The following WDR5 variants were observed in gnomAD, a reference collection of about 807,000 sequenced individuals.
WDR5 encodes WD repeat-containing protein 5.
For missense variants in WDR5, 187 were observed against 416.9 expected (o/e 0.45, Z 4.80); for synonymous variants, 144 against 161.6 (o/e 0.89, Z 0.83).
In WDR5 at chr9:134,145,096, G is replaced by GTTTTTTGTTTT. The variant is rs1316019740; in HGVS notation, c.528+2383_528+2384insGTTTTTTTTTT. Among the ~76,000 whole-genome samples, 488 of 104,706 alleles carry GTTTTTTGTTTT rather than the reference G, an allele frequency of 4.7e-3. 15 individuals carry two copies. Among genetic ancestry groups the GTTTTTTGTTTT allele is most frequent in the African/African-American group, 0.013 (368 of 29,150 alleles). The allele number at this position is 104,706 out of a possible 152,430, so 68.7% of individuals were successfully genotyped here. On this transcript the variant is annotated intron_variant, in intron 7 of 13. Transcript: ENST00000358625. Reference sequence around the variant, plus strand: ...ACTGCAGAGAGGTTTGTGGGGCTTTGTTTTTTTTTTTTTTTTTTTTGAAAC... The same window carrying GTTTTTTGTTTT: ...ACTGCAGAGAGGTTTGTGGGGCTTTGTTTTTTGTTTTTTTTTTTTTTTTTTTTTTTTGAAAC...
rs928191732 is a variant in WDR5 at position 134,142,110 on chromosome 9, T to C, written c.354+72T>C. 8.4e-6 allele frequency: 12 copies of C among 1,433,638 alleles called. No homozygotes were observed. The African/African-American group carries it at 1.6e-4, about 19-fold the overall frequency. The allele number at this position is 1,433,638 out of a possible 1,614,324, so 88.8% of individuals were successfully genotyped here. ...CACGGGGCAGGTGCGGGGGACTGAG[T>C]TGACTGCTCAGTAAGCAACACTCAG... is the stretch of plus-strand genomic sequence containing the variant. On this transcript the variant is annotated intron_variant, in intron 5 of 13. Transcript: ENST00000358625.
At chr9:134,156,427 T>C in intron 12 of WDR5, 79 bp from the exon 13 acceptor site, 1 of 1,420,602 alleles carries the variant, frequency 7.0e-7, no homozygotes, top group Non-Finnish European at 9.9e-7. Context: ...AGGGCATAAC[T>C]GGAGATTCTC....
intron 10 of WDR5, among the ~76,000 whole-genome samples, chr9:134,155,125 C>T (rs956401968): frequency 5.3e-5 from 8 of 152,362 alleles, no homozygotes; most frequent in African/African-American, 1.9e-4. Flanking sequence ...CTTGGAACTA[C>T]AAATACTTGC....
intron 9 of WDR5, among the ~76,000 whole-genome samples, chr9:134,153,706 C>A (rs944134573): frequency 1.3e-5 from 2 of 150,918 alleles, no homozygotes; most frequent in East Asian, 3.9e-4. Context: ...GTGTCCTTCC[C>A]GGTGCTCGGG....
In WDR5 at chr9:134,155,258, T is replaced by TGACGTAGTGGCTGC. The variant is rs1832694845; in HGVS notation, c.708-81_708-68dup. On this transcript the variant is annotated intron_variant, in intron 10 of 13. Transcript: ENST00000358625. ...TTGCACCTGGCGCTGATGGTGGCTG[T>TGACGTAGTGGCTGC]GACGTAGTGGCTGCAGAGTTGGGTG... 3.5e-6 allele frequency: 5 copies of TGACGTAGTGGCTGC among 1,445,724 alleles called. No individual in the cohort carries two copies. The East Asian group carries it at 1.0e-4, about 30-fold the overall frequency. The allele number at this position is 1,445,724 out of a possible 1,614,324, so 89.6% of individuals were successfully genotyped here.
At chr9:134,155,429 T>C (rs1832704264) in intron 11 of WDR5, 56 bp downstream of exon 11, 1 of 1,551,982 alleles carries the variant, frequency 6.4e-7, no homozygotes. Context: ...TCATGGCCTC[T>C]GGTGGGGACA....
intron 5 of WDR5, 45 bp from the exon 6 acceptor site, chr9:134,142,288 T>A (rs1365453477): frequency 6.3e-7 from 1 of 1,583,614 alleles, no homozygotes; most frequent in Admixed American, 1.7e-5. Flanking sequence ...CTCTTACGTT[T>A]GGGGAAATAA....
At chr9:134,155,851 T>C in intron 12 of WDR5, 84 bp downstream of exon 12, 1 of 1,251,906 alleles carries the variant, frequency 8.0e-7, no homozygotes, top group Non-Finnish European at 1.1e-6. Flanking sequence ...TGCTTTATAC[T>C]CAGAGACACT....
At chr9:134,155,648 A>T in intron 11 of WDR5, 45 bp from the exon 12 acceptor site, 1 of 1,586,596 alleles carries the variant, frequency 6.3e-7, no homozygotes, top group East Asian at 2.2e-5. Context: ...CACAAAATCA[A>T]GGGGAACCAT....
intron 8 of WDR5, among the ~76,000 whole-genome samples, chr9:134,149,319 G>T (rs1222064335): frequency 6.6e-6 from 1 of 152,246 alleles, no homozygotes. Flanking sequence ...GGTTCAAGCT[G>T]CGGTTGCAGC....
chr9:134,138,574 C>A (rs1463673968), intron 1 of WDR5, among the ~76,000 whole-genome samples: 2 of 152,180 alleles, frequency 1.3e-5, no homozygotes, highest in Admixed American at 1.3e-4. Flanking sequence ...GCCTGCCCCT[C>A]CTCTCCCCCT....
At chr9:134,150,733 G>A (rs1320001229) in intron 8 of WDR5, among the ~76,000 whole-genome samples, 3 of 152,134 alleles carry the variant, frequency 2.0e-5, no homozygotes, top group African/African-American at 4.8e-5. Context: ...CAGTTACCAC[G>A]GTCTCTCAGT....
chr9:134,154,562 T>C (rs1564196842), intron 10 of WDR5, 21 bp downstream of exon 10: 2 of 1,613,424 alleles, frequency 1.2e-6, no homozygotes, highest in South Asian at 2.2e-5. Flanking sequence ...CGTGGGACTG[T>C]GGGGGCGGGC....
Position 134,154,427 on chromosome 9 carries a change from C to G in WDR5, c.632-39C>G, listed in dbSNP as rs1326066557. 3.1e-6 allele frequency: 5 copies of G among 1,609,482 alleles called. No individual in the cohort carries two copies. In the Admixed American group the frequency reaches 8.3e-5, roughly 27 times the overall value. ...CCACCTCCTGTCCCTGCCTGGCTGT[C>G]AGCGCCCGCCGTGTGTCACCTGTCC... On this transcript the variant is annotated intron_variant, in intron 9 of 13. Coordinates refer to ENST00000358625, the MANE Select transcript of WDR5 (RefSeq NM_017588.3).
Position 134,140,747 on chromosome 9 carries a change from T to C in WDR5, c.126T>C (p.Ala42=), listed in dbSNP as rs1483889502. The C allele has an allele frequency of 2.5e-6, 4 of 1,614,202 alleles. No homozygotes were observed. Among genetic ancestry groups the C allele is most frequent in the East Asian group, 2.2e-5 (1 of 44,884 alleles). Residue 42 remains alanine (A), a synonymous_variant, in exon 3 of 14, where the codon GCT becomes GCC. Transcript: ENST00000358625. ...KPNYALKFTL[A]GHTKAVSSVK... is the part of the protein sequence containing the mutation. ...ACTATGCTCTAAAGTTCACCCTTGCTGGCCACACCAAAGCAGTGTCCTCCG... is the reference window on the plus strand; with the variant it reads ...ACTATGCTCTAAAGTTCACCCTTGCCGGCCACACCAAAGCAGTGTCCTCCG...
intron 3 of WDR5, 145 bp from the exon 4 acceptor site, chr9:134,141,365 C>T: frequency 1.4e-6 from 1 of 690,068 alleles, no homozygotes. Flanking sequence ...TCCTCTCAGG[C>T]ATGTGGCCGT....
At chr9:134,138,106 G>T (rs1831673007) in intron 1 of WDR5, among the ~76,000 whole-genome samples, 1 of 152,122 alleles carries the variant, frequency 6.6e-6, no homozygotes. Flanking sequence ...CATGTTTTTT[G>T]AGCCCAAAGG....
In WDR5 at chr9:134,141,759, G is replaced by A. The variant is rs116666837; in HGVS notation, c.264+176G>A. On this transcript the variant is annotated intron_variant, in intron 4 of 13. Transcript: ENST00000358625. Reference sequence around the variant, plus strand: ...AACCCAAATAACATTTGACTTCCATGGAGGAGTGTCTGTGAGGCTGGCAGA... The same window carrying A: ...AACCCAAATAACATTTGACTTCCATAGAGGAGTGTCTGTGAGGCTGGCAGA... 3.4e-3 allele frequency among the ~76,000 whole-genome samples: 524 copies of A among 152,246 alleles called. 5 individuals are homozygous for A. Among genetic ancestry groups the A allele is most frequent in the African/African-American group, 0.012 (478 of 41,534 alleles).
In WDR5 at chr9:134,141,938, T is replaced by C; in HGVS notation, c.265-11T>C. ...CCTGTCAAGTTACTGACCCTGTTTT[T>C]TCTCCCCAAGGGAATATCCGATGTA... On this transcript the variant is annotated splice_polypyrimidine_tract_variant and intron_variant, in intron 4 of 13. Transcript: ENST00000358625. 6.2e-7 allele frequency: 1 copy of C among 1,613,836 alleles called. No individual in the cohort carries two copies. Among genetic ancestry groups the C allele is most frequent in the Non-Finnish European group, 8.5e-7 (1 of 1,179,808 alleles).
Sources: allele counts gnomAD v4.1 joint callset (sites outside exome capture counted in the v4.1 genomes callset), GRCh38; gene constraint gnomAD v4.1.1; transcripts MANE v1.5; gene names NCBI Gene and HGNC (gene_info 2026-07-23, HGNC 2026-07-21).